The following LRP11 variants were observed in gnomAD, a reference collection of about 807,000 sequenced individuals.
The protein encoded by LRP11 is LDL receptor related protein 11.
Under a neutral mutation model 43.1 loss-of-function variants are expected in LRP11, and 25 were observed. That is an observed-to-expected ratio of 0.58 (90% CI 0.42 to 0.81). LRP11 has a LOEUF of 0.81. Ranked by LOEUF, LRP11 falls within the 30% of genes least tolerant of loss-of-function variation. The pLI is 0.00. For synonymous variants in LRP11, 316 were observed against 299.4 expected (o/e 1.06, Z -0.57); for missense variants, 623 against 665.1 (o/e 0.94, Z 0.70).
At chr6:149,857,585 G>C (rs985077995) in intron 1 of LRP11, among the ~76,000 whole-genome samples, 3 of 151,772 alleles carry the variant, frequency 2.0e-5, no homozygotes, top group Admixed American at 6.6e-5. Flanking sequence ...CCTGAGGACT[G>C]GACTGCCTTT....
chr6:149,834,447 C>T (rs902330590), intron 5 of LRP11, among the ~76,000 whole-genome samples: 1 of 152,208 alleles, frequency 6.6e-6, no homozygotes, highest in Admixed American at 6.5e-5. Context: ...TTGGTCTCGA[C>T]TCTACTTTCA....
chr6:149,857,385 C>A (rs1045812811), intron 1 of LRP11, among the ~76,000 whole-genome samples: 2 of 151,848 alleles, frequency 1.3e-5, no homozygotes, highest in African/African-American at 4.8e-5. Flanking sequence ...AGAAAGTAGC[C>A]TGATGTGTGG....
Position 149,837,428 on chromosome 6 carries a change from A to ATTCTT in LRP11, c.948_949insAAGAA (p.Cys317LysfsTer40). On this transcript the variant is annotated frameshift_variant, in exon 4 of 7. Transcript: ENST00000239367. LOFTEE classifies it high-confidence loss of function. ...ATGTCAATGCAGCAGCCATCGTCAC[A>ATTCTT]GAAGAAGTGGTAGCGTGAGCAAGTG... The ATTCTT allele has an allele frequency of 6.2e-7, 1 of 1,614,182 alleles. No homozygotes were observed. Among genetic ancestry groups the ATTCTT allele is most frequent in the African/African-American group, 1.3e-5 (1 of 75,060 alleles).
Position 149,829,037 on chromosome 6 carries a change from C to T in LRP11, c.1253-2678G>A, listed in dbSNP as rs1258229787. Among the ~76,000 whole-genome samples, 3 of 152,178 alleles carry T rather than the reference C, an allele frequency of 2.0e-5. No individual in the cohort carries two copies. The East Asian group carries it at 5.8e-4, about 29-fold the overall frequency. The stretch of plus-strand genomic sequence containing the variant: ...TATGCAAAACAGTCCATCCAGCAGC[C>T]GCACACACAAAACTAGCAGCCCTGA... On this transcript the variant is annotated intron_variant, in intron 5 of 6. Transcript: ENST00000239367.
chr6:149,844,414 T>C (rs1045484526), intron 2 of LRP11, among the ~76,000 whole-genome samples: 1 of 152,138 alleles, frequency 6.6e-6, no homozygotes, highest in South Asian at 2.1e-4. Flanking sequence ...TTCTGATCAC[T>C]CCCTAACCCA....
intron 5 of LRP11, among the ~76,000 whole-genome samples, chr6:149,833,278 A>G (rs1011298611): frequency 6.6e-6 from 1 of 152,186 alleles, no homozygotes; most frequent in East Asian, 1.9e-4. Context: ...TTTAACTTAC[A>G]TGAAATCAGA....
At chr6:149,844,880 A>G (rs918213144) in intron 2 of LRP11, among the ~76,000 whole-genome samples, 4 of 152,218 alleles carry the variant, frequency 2.6e-5, no homozygotes, top group Non-Finnish European at 5.9e-5. Context: ...CGTGGTTGTC[A>G]TATGTTATGC....
chr6:149,849,039 C>G (rs1300524015), intron 2 of LRP11, among the ~76,000 whole-genome samples: 2 of 152,182 alleles, frequency 1.3e-5, no homozygotes, highest in African/African-American at 4.8e-5. Flanking sequence ...TTTGGACTTC[C>G]CAGCATCCAG....
chr6:149,836,740 G>A (rs934823827), intron 4 of LRP11, among the ~76,000 whole-genome samples: 2 of 152,074 alleles, frequency 1.3e-5, no homozygotes, highest in African/African-American at 4.8e-5. Context: ...CCTAAGGCTG[G>A]GGAAGTCGAG....
chr6:149,836,319 G>A, intron 4 of LRP11, 22 bp from the exon 5 acceptor site: 2 of 1,597,104 alleles, frequency 1.3e-6, no homozygotes, highest in Non-Finnish European at 1.7e-6. Flanking sequence ...AAGAGCTACT[G>A]TTAGTTGCTG....
intron 1 of LRP11, among the ~76,000 whole-genome samples, chr6:149,860,845 C>A (rs1776881542): frequency 6.6e-6 from 1 of 152,190 alleles, no homozygotes; most frequent in Non-Finnish European, 1.5e-5. Context: ...GCTCCACAAC[C>A]CCATGCTGTG....
intron 3 of LRP11, among the ~76,000 whole-genome samples, chr6:149,839,124 G>T (rs962083561): frequency 6.6e-6 from 1 of 150,864 alleles, no homozygotes; most frequent in Non-Finnish European, 1.5e-5. Flanking sequence ...TGAACTACTG[G>T]ACTCAAGCAA....
chr6:149,862,190 T>C (rs35586124), intron 1 of LRP11, among the ~76,000 whole-genome samples: 1 of 152,176 alleles, frequency 6.6e-6, no homozygotes. Context: ...CTGACAAGGA[T>C]TCTGAGCCTC....
intron 5 of LRP11, among the ~76,000 whole-genome samples, chr6:149,829,364 C>T (rs1776380059): frequency 6.6e-6 from 1 of 152,064 alleles, no homozygotes; most frequent in African/African-American, 2.4e-5. Flanking sequence ...AGTTCGAGAC[C>T]AGCCTAGCCA....
chr6:149,846,789 A>C (rs77556923), intron 2 of LRP11, among the ~76,000 whole-genome samples: 1 of 151,862 alleles, frequency 6.6e-6, no homozygotes. Flanking sequence ...AAATACAAAA[A>C]TTAGCCAGGT....
intron 1 of LRP11, among the ~76,000 whole-genome samples, chr6:149,859,006 T>A (rs150913385): frequency 6.6e-6 from 1 of 152,160 alleles, no homozygotes; most frequent in Non-Finnish European, 1.5e-5. Context: ...GTTTCCCATA[T>A]GCATGTCAAT....
chr6:149,823,596 C>G (rs1193549172), intron 6 of LRP11, among the ~76,000 whole-genome samples: 1 of 152,130 alleles, frequency 6.6e-6, no homozygotes, highest in East Asian at 1.9e-4. Flanking sequence ...CCAGGTATAG[C>G]TGGCCGCCTC....
Position 149,843,078 on chromosome 6 carries a change from G to C in LRP11, c.818C>G (p.Thr273Ser), listed in dbSNP as rs1477047811. ...TLKLSHLQEG[T>S]YTFQLTVTDT... ...CGTCACGGTCAGCTGGAAGGTGTAG[G>C]TTCCCTCCTGTAGGTGGGACAGCTT... Residue 273 changes from threonine to serine, a missense_variant, in exon 3 of 7, where the codon ACC becomes AGC. Thr to Ser is a moderately conservative substitution (Grantham distance 58). Transcript: ENST00000239367. 3 of 1,614,180 alleles carry C rather than the reference G, an allele frequency of 1.9e-6. No homozygotes were observed. The highest frequency in any genetic ancestry group is 2.5e-6 in the Non-Finnish European group (3 of 1,180,032).
rs1776283976 is a variant in LRP11, at chr6:149,822,048, CA to C, written c.1349-1346del. On this transcript the variant is annotated intron_variant, in intron 6 of 6. Coordinates refer to ENST00000239367, the MANE Select transcript of LRP11 (RefSeq NM_032832.6). ...CATTTTACAAATGAGGGAGCTAAGGCATCAACAATGAAGTGAGGGCCAGGCA... is the reference window on the plus strand; with the variant it reads ...CATTTTACAAATGAGGGAGCTAAGGCTCAACAATGAAGTGAGGGCCAGGCA... 2.6e-5 allele frequency among the ~76,000 whole-genome samples: 4 copies of C among 152,146 alleles called. No individual in the cohort carries two copies. The South Asian group carries it at 8.3e-4, about 31-fold the overall frequency.
Sources: gnomAD v4.1 joint callset for allele counts (sites outside exome capture counted in the v4.1 genomes callset) on GRCh38, gnomAD v4.1.1 for gene constraint, MANE v1.5 for transcripts, NCBI Gene and HGNC (gene_info 2026-07-23, HGNC 2026-07-21) for gene names.